The following ZNF529 variants were observed in gnomAD, a reference collection of about 807,000 sequenced individuals.
The protein encoded by ZNF529 is zinc finger protein 529.
In ZNF529, 11 loss-of-function variants were observed where a neutral mutation model predicts 10.1. That is an observed-to-expected ratio of 1.09 (90% CI 0.69 to 1.81). The LOEUF (loss-of-function observed/expected upper bound fraction) is 1.81. Among genes scored for constraint, ZNF529 ranks in the 40% most tolerant of loss-of-function variants. ZNF529 has a pLI of 0.00. For synonymous variants in ZNF529, 204 were observed against 215.7 expected (o/e 0.95, Z 0.47); for missense variants, 624 against 666.8 (o/e 0.94, Z 0.71).
rs1290067650 is a variant in ZNF529 at position 36,547,714 on chromosome 19, A to G, written c.844T>C (p.Phe282Leu). ...LQRVHDGEKH[F>L]ECSFCGKSFR... The stretch of plus-strand genomic sequence containing the variant: ...GATTTCCCACAGAATGAGCATTCAA[A>G]GTGTTTCTCACCATCATGAACTCTT... The change falls in exon 5 of 5, where the codon TTT (phenylalanine) becomes CTT (leucine). Residue 282 changes from phenylalanine to leucine, a missense_variant. Transcript: ENST00000591340. The G allele has an allele frequency of 1.2e-6, 2 of 1,613,950 alleles. No homozygotes were observed. The highest frequency in any genetic ancestry group is 4.5e-5 in the East Asian group (2 of 44,862).
chr19:36,575,382 G>T (rs2145221322), upstream of ZNF529, among the ~76,000 whole-genome samples: 1 of 152,236 alleles, frequency 6.6e-6, no homozygotes, highest in Middle Eastern at 3.4e-3. Context: ...TTGAAATGAG[G>T]ACTCCATATG....
At chr19:36,597,816 A>C (rs896860234) in intron 1 of ZNF529, among the ~76,000 whole-genome samples, 2 of 152,232 alleles carry the variant, frequency 1.3e-5, no homozygotes, top group Admixed American at 1.3e-4. Flanking sequence ...GATATTGAGT[A>C]GAAGATTATT....
At chr19:36,583,854 G>A (rs1200332573) in intron 2 of ZNF529, among the ~76,000 whole-genome samples, 1 of 151,766 alleles carries the variant, frequency 6.6e-6, no homozygotes, top group East Asian at 1.9e-4. Flanking sequence ...ATGCAGCACA[G>A]AGATAAAAAG....
At chr19:36,559,804 A>G (rs1385076697) in intron 2 of ZNF529, among the ~76,000 whole-genome samples, 1 of 152,170 alleles carries the variant, frequency 6.6e-6, no homozygotes, top group Non-Finnish European at 1.5e-5. Context: ...CAGCAAACCT[A>G]TATTTCAAAA....
chr19:36,548,968 A>C (rs1418538070), intron 4 of ZNF529, among the ~76,000 whole-genome samples: 1 of 152,120 alleles, frequency 6.6e-6, no homozygotes, highest in African/African-American at 2.4e-5. Context: ...GCACCACTGC[A>C]CTCTAGCCTG....
intron 2 of ZNF529, among the ~76,000 whole-genome samples, chr19:36,586,597 C>T (rs1236557134): frequency 1.3e-5 from 2 of 150,530 alleles, no homozygotes; most frequent in East Asian, 2.0e-4. Context: ...AGAGCGAAAG[C>T]GAGACTCCGT....
intron 1 of ZNF529, among the ~76,000 whole-genome samples, chr19:36,602,247 C>G (rs1156646733): frequency 1.3e-5 from 2 of 151,648 alleles, no homozygotes; most frequent in Admixed American, 1.3e-4. Flanking sequence ...GGTGTTTTGC[C>G]ATGTTGGTCA....
intron 1 of ZNF529, among the ~76,000 whole-genome samples, chr19:36,596,835 CTA>C (rs1381027275): frequency 4.6e-5 from 7 of 151,906 alleles, no homozygotes; most frequent in Non-Finnish European, 2.9e-5. Flanking sequence ...TTCAACTTTT[CTA>C]TGTCATTATA....
chr19:36,594,736 T>C (rs2036803512), intron 1 of ZNF529: 1 of 152,142 alleles, frequency 6.6e-6, no homozygotes, highest in African/African-American at 2.4e-5. Context: ...TGGTTTGTCA[T>C]GCAGCAACTG....
At chr19:36,573,457 C>A (rs1018033592), upstream of ZNF529, 4 of 470,892 alleles carry the variant, frequency 8.5e-6, no homozygotes, top group African/African-American at 8.0e-5. Context: ...AGACCCTTGC[C>A]ATCAGCAGAG....
intron 2 of ZNF529, among the ~76,000 whole-genome samples, chr19:36,568,497 A>T (rs1201782445): frequency 1.4e-5 from 2 of 147,250 alleles, no homozygotes; most frequent in African/African-American, 5.0e-5. Flanking sequence ...TTTTACACAG[A>T]GTCTCACTTT....
intron 2 of ZNF529, chr19:36,581,162 A>G (rs184209447): frequency 6.6e-6 from 1 of 152,352 alleles, no homozygotes; most frequent in Non-Finnish European, 1.5e-5. Flanking sequence ...ATGATAGACT[A>G]TTGGCTGGAC....
chr19:36,550,814 T>C (rs2035231412), intron 4 of ZNF529, among the ~76,000 whole-genome samples: 1 of 152,218 alleles, frequency 6.6e-6, no homozygotes, highest in South Asian at 2.1e-4. Context: ...CAAAATGTTA[T>C]TAAGACTCCT....
rs1416142258 is a variant in ZNF529 at position 36,558,524 on chromosome 19, G to A, written c.15-2327C>T. On this transcript the variant is annotated intron_variant, in intron 2 of 4. Coordinates refer to ENST00000591340, the MANE Select transcript of ZNF529 (RefSeq NM_020951.5). ...AATGAAGGCCAGAAGGCAGTGGGATGATATATACAAAGTACTCACACACAC... is the reference window on the plus strand; with the variant it reads ...AATGAAGGCCAGAAGGCAGTGGGATAATATATACAAAGTACTCACACACAC... 3.9e-5 allele frequency among the ~76,000 whole-genome samples: 6 copies of A among 152,208 alleles called. No homozygotes were observed. In the South Asian group the frequency reaches 8.3e-4, roughly 21 times the overall value.
intron 2 of ZNF529, among the ~76,000 whole-genome samples, chr19:36,556,418 G>A (rs763980219): frequency 8.5e-5 from 13 of 152,180 alleles, no homozygotes; most frequent in African/African-American, 1.4e-4. Context: ...AGGGCATGGG[G>A]CTTCTTCACC....
At chr19:36,599,998 A>G (rs1466713959) in intron 1 of ZNF529, among the ~76,000 whole-genome samples, 1 of 151,962 alleles carries the variant, frequency 6.6e-6, no homozygotes, top group Non-Finnish European at 1.5e-5. Context: ...CCTCCCGAGT[A>G]GCTGGGATTA....
chr19:36,572,475 AT>A (rs951793199), intron 1 of ZNF529, 83 bp from the exon 2 acceptor site: 1 of 1,086,382 alleles, frequency 9.2e-7, no homozygotes, highest in African/African-American at 1.6e-5. Context: ...AGAAAAGCCC[AT>A]CACACACAAC....
chr19:36,574,783 G>A (rs1331936371), upstream of ZNF529: 1 of 469,852 alleles, frequency 2.1e-6, no homozygotes, highest in African/African-American at 2.0e-5. Flanking sequence ...AATTTGTGTA[G>A]TCATTTTTCT....
intron 2 of ZNF529, among the ~76,000 whole-genome samples, chr19:36,561,732 A>G (rs1412984106): frequency 1.3e-5 from 2 of 152,230 alleles, no homozygotes; most frequent in African/African-American, 4.8e-5. Context: ...TGAGAGCTGC[A>G]GTATGAACTG....
Sources: gnomAD v4.1 joint callset for allele counts (sites outside exome capture counted in the v4.1 genomes callset) on GRCh38, gnomAD v4.1.1 for gene constraint, MANE v1.5 for transcripts, NCBI Gene and HGNC (gene_info 2026-07-23, HGNC 2026-07-21) for gene names.